The following ZNF623 variants were observed in gnomAD, a reference collection of about 807,000 sequenced individuals.
ZNF623 encodes the protein zinc finger protein 623.
A neutral mutation model predicts 24.0 loss-of-function variants in ZNF623; 16 were observed. That is an observed-to-expected ratio of 0.67 (90% CI 0.45 to 1.01). The LOEUF (loss-of-function observed/expected upper bound fraction) is 1.01, where lower values mean the gene tolerates loss of function less well. Among genes scored for constraint, ZNF623 ranks in the 50% least tolerant of loss-of-function variants. The pLI, the probability that ZNF623 is intolerant of heterozygous loss-of-function variation, is 0.00. For missense variants in ZNF623, 566 were observed against 606.5 expected (o/e 0.93, Z 0.70); for synonymous variants, 224 against 219.8 (o/e 1.02, Z -0.17).
intron 1 of ZNF623, among the ~76,000 whole-genome samples, chr8:143,646,538 G>GGTGTGC (rs1815178653): frequency 8.1e-6 from 1 of 122,918 alleles, no homozygotes; most frequent in African/African-American, 3.6e-5. Context: ...TTGCCTGTGG[G>GGTGTGC]GTGTGTGCGT....
At chr8:143,636,822 C>T (rs1350116835) in intron 1 of ZNF623, among the ~76,000 whole-genome samples, 1 of 152,162 alleles carries the variant, frequency 6.6e-6, no homozygotes, top group African/African-American at 2.4e-5. Context: ...TTTAAGAATC[C>T]CAGTGGCGTT....
chr8:143,638,611 G>A (rs1007816922), intron 1 of ZNF623, among the ~76,000 whole-genome samples: 3 of 150,934 alleles, frequency 2.0e-5, no homozygotes, highest in South Asian at 2.1e-4. Context: ...GGTGGCAGGC[G>A]CCCATAATCC....
intron 1 of ZNF623, among the ~76,000 whole-genome samples, chr8:143,636,862 C>T (rs1233245369): frequency 1.3e-5 from 2 of 152,222 alleles, no homozygotes; most frequent in East Asian, 3.8e-4. Context: ...CTGTCTTGCT[C>T]CCTTCACACA....
chr8:143,640,748 C>T (rs1182653836), intron 1 of ZNF623, among the ~76,000 whole-genome samples: 1 of 151,976 alleles, frequency 6.6e-6, no homozygotes, highest in African/African-American at 2.4e-5. Context: ...TGAGACCAGC[C>T]TGGCCAACAT....
Position 143,650,573 on chromosome 8 carries a change from C to T in ZNF623, c.581C>T (p.Pro194Leu), listed in dbSNP as rs143667517. ...RHQRVHTRERPFECKECGKGF... is the reference protein window; with the variant it reads ...RHQRVHTRERLFECKECGKGF... Reference sequence around the variant, plus strand: ...CAGAGAGTTCACACCAGAGAGAGACCTTTTGAATGCAAAGAGTGTGGGAAA... The same window carrying T: ...CAGAGAGTTCACACCAGAGAGAGACTTTTTGAATGCAAAGAGTGTGGGAAA... The change falls in exon 2 of 2, where the codon CCT (proline) becomes CTT (leucine). Residue 194 changes from proline to leucine, a missense_variant. This residue lies in a region of ZNF623 where 313 missense variants were observed against 300.4 expected (regional missense o/e 1.04). Coordinates refer to ENST00000526926, the MANE Select transcript of ZNF623 (RefSeq NM_001261843.2). This position sits in a 1 kb window ranked among gnomAD's most constrained non-coding sequence, Gnocchi z 5.2. The T allele has an allele frequency of 1.6e-4, 257 of 1,614,170 alleles. 1 individual carries two copies. In the African/African-American group the frequency reaches 2.6e-3, roughly 17 times the overall value.
intron 1 of ZNF623, among the ~76,000 whole-genome samples, chr8:143,640,024 G>A (rs1815014626): frequency 6.6e-6 from 1 of 152,166 alleles, no homozygotes; most frequent in Non-Finnish European, 1.5e-5. Flanking sequence ...GGAATGCTAG[G>A]GAACCACATT....
At chr8:143,638,784 A>T (rs1474187356) in intron 1 of ZNF623, among the ~76,000 whole-genome samples, 2 of 152,124 alleles carry the variant, frequency 1.3e-5, no homozygotes, top group Non-Finnish European at 2.9e-5. Context: ...CAAATAAAAA[A>T]AAATAAACAG....
In ZNF623 at chr8:143,642,027, G is replaced by A. The variant is rs115615436; in HGVS notation, c.-96+5882G>A. Among the ~76,000 whole-genome samples, 1,106 of 152,278 alleles carry A rather than the reference G, an allele frequency of 7.3e-3. 14 individuals carry two copies. Among genetic ancestry groups the A allele is most frequent in the African/African-American group, 0.025 (1,055 of 41,540 alleles). On this transcript the variant is annotated intron_variant, in intron 1 of 1. Transcript: ENST00000526926. ...TGTCCTTTTCAATCTTTGAAGCCAG[G>A]CATTGACTTCTCTCTAGCTGCGAAA...
chr8:143,645,431 CAAA>C (rs11370593), intron 1 of ZNF623, among the ~76,000 whole-genome samples: 79 of 142,720 alleles, frequency 5.5e-4, no homozygotes, highest in Non-Finnish European at 6.6e-4. Flanking sequence ...GACTCCATCT[CAAA>C]AAAAAAAAAA....
rs553214367 is a variant in ZNF623, at chr8:143,649,885, T to C, written c.-95-13T>C. 237 of 1,600,174 alleles carry C rather than the reference T, an allele frequency of 1.5e-4. 1 individual carries two copies. In the South Asian group the frequency reaches 1.9e-3, roughly 13 times the overall value. ...AGTAAGGGGAAAGATGATTTTGTTG[T>C]CTTTTGTTTCAGATTCTAATGTAGG... On this transcript the variant is annotated splice_polypyrimidine_tract_variant and intron_variant, in intron 1 of 1. Coordinates refer to ENST00000526926, the MANE Select transcript of ZNF623 (RefSeq NM_001261843.2).
intron 1 of ZNF623, among the ~76,000 whole-genome samples, chr8:143,637,730 A>G (rs1814956944): frequency 1.3e-5 from 2 of 152,022 alleles, no homozygotes; most frequent in Non-Finnish European, 2.9e-5. Context: ...TTGTATTTTT[A>G]GTAGAGACGA....
chr8:143,644,168 A>G (rs927782282), intron 1 of ZNF623, among the ~76,000 whole-genome samples: 47 of 152,198 alleles, frequency 3.1e-4, no homozygotes, highest in East Asian at 9.7e-4. Context: ...TTACAGGTGC[A>G]TGCCACCACA....
chr8:143,641,468 C>CT lies in ZNF623; in HGVS notation c.-96+5338dup, dbSNP rs1204330980. On this transcript the variant is annotated intron_variant, in intron 1 of 1. Coordinates refer to ENST00000526926, the MANE Select transcript of ZNF623 (RefSeq NM_001261843.2). ...TTTTTTTTTTTTTTTTTTTTTTTTT[C>CT]TTTTTTTTTTTTTTTGAGACGGAGT... Among the ~76,000 whole-genome samples, 5 of 3,156 alleles carry CT rather than the reference C, an allele frequency of 1.6e-3. 1 individual carries two copies. Among genetic ancestry groups the CT allele is most frequent in the African/African-American group, 1.7e-3 (5 of 2,998 alleles). The allele number at this position is 3,156 out of a possible 152,430, so 2.1% of individuals were successfully genotyped here. A position where few individuals can be genotyped will look rare whatever the true frequency, so the allele number is the denominator to read the frequency against.
At chr8:143,645,290 A>C (rs2131447831) in intron 1 of ZNF623, among the ~76,000 whole-genome samples, 1 of 152,098 alleles carries the variant, frequency 6.6e-6, no homozygotes, top group South Asian at 2.1e-4. Context: ...AAATACAAAA[A>C]AATTGGCCAG....
chr8:143,650,247 C>G lies in ZNF623; in HGVS notation c.255C>G (p.Cys85Trp), dbSNP rs752780381. Residue 85 changes from cysteine (C) to tryptophan (W), a missense_variant, in exon 2 of 2, where the codon TGC becomes TGG. Transcript: ENST00000526926. This position sits in a 1 kb window ranked among gnomAD's most constrained non-coding sequence, Gnocchi z 5.2. ...RELIEGEANP[C>W]DICGKTFTFN... ...TCATAGAGGGGGAAGCCAATCCTTGCGATATCTGTGGCAAAACCTTCACGT... is the reference window on the plus strand; with the variant it reads ...TCATAGAGGGGGAAGCCAATCCTTGGGATATCTGTGGCAAAACCTTCACGT... The G allele has an allele frequency of 4.3e-6, 7 of 1,614,190 alleles. No individual in the cohort carries two copies. The South Asian group carries it at 7.7e-5, about 18-fold the overall frequency.
At chr8:143,647,283 C>T (rs1815198108) in intron 1 of ZNF623, among the ~76,000 whole-genome samples, 1 of 152,202 alleles carries the variant, frequency 6.6e-6, no homozygotes, top group Non-Finnish European at 1.5e-5. Context: ...GCTTCAGCCT[C>T]CCAAGTAGCT....
rs1187658497 is a variant in ZNF623, at chr8:143,653,565, C to A, written c.*2082C>A. 6.0e-6 allele frequency: 1 copy of A among 167,110 alleles called. No homozygotes were observed. The highest frequency in any genetic ancestry group is 1.5e-5 in the Non-Finnish European group (1 of 68,132). 10.4% of individuals were successfully genotyped at this position (167,110 alleles called of 1,614,324 possible). A position where few individuals can be genotyped will look rare whatever the true frequency, so the allele number is the denominator to read the frequency against. ...ACGTTTCTGTCACCCAAAGAAGTTC[C>A]CTTTTGCCTTTTCCTAGTTAAGCCC... On this transcript the variant is annotated 3_prime_UTR_variant, in exon 2 of 2. Transcript: ENST00000526926.
Position 143,651,247 on chromosome 8 carries a change from T to G in ZNF623, c.1255T>G (p.Tyr419Asp). 6.2e-7 allele frequency: 1 copy of G among 1,614,212 alleles called. No homozygotes were observed. The highest frequency in any genetic ancestry group is 8.5e-7 in the Non-Finnish European group (1 of 1,180,036). Residue 419 changes from tyrosine to aspartate, a missense_variant, in exon 2 of 2, where the codon TAT (tyrosine) becomes GAT (aspartate). Transcript: ENST00000526926. Reference sequence around the variant, plus strand: ...GATTATTCACACTGGAGAAAAGCCCTATGTGTGCAGTTATTGTGGGAAAGG... The same window carrying G: ...GATTATTCACACTGGAGAAAAGCCCGATGTGTGCAGTTATTGTGGGAAAGG... ...HQIIHTGEKP[Y>D]VCSYCGKGFI...
At chr8:143,647,071 T>C (rs1273335862) in intron 1 of ZNF623, among the ~76,000 whole-genome samples, 1 of 152,156 alleles carries the variant, frequency 6.6e-6, no homozygotes, top group Non-Finnish European at 1.5e-5. Context: ...TGACTTATGA[T>C]TGGTCAAGTG....
Sources: allele counts gnomAD v4.1 joint callset (sites outside exome capture counted in the v4.1 genomes callset), GRCh38; gene constraint gnomAD v4.1.1; regional missense constraint gnomAD v4.1.1; non-coding constraint Gnocchi (gnomAD v3.1); transcripts MANE v1.5; gene names NCBI Gene and HGNC (gene_info 2026-07-23, HGNC 2026-07-21).